Variants in MALRD1 observed in about 807,000 individuals in gnomAD.
MALRD1 encodes MAM and LDL-receptor class A domain-containing protein 1.
In MALRD1, 247 loss-of-function variants were observed where a neutral mutation model predicts 242.1. That is an observed-to-expected ratio of 1.02 (90% CI 0.92 to 1.13). The LOEUF (loss-of-function observed/expected upper bound fraction) is 1.13. Ranked by LOEUF, MALRD1 falls within the 50% of genes most tolerant of loss-of-function variation. MALRD1 has a pLI of 0.00. For synonymous variants in MALRD1, 995 were observed against 866.6 expected (o/e 1.15, Z -2.60); for missense variants, 2,989 against 2,533.1 (o/e 1.18, Z -3.86).
At chr10:19,572,336 A>T (rs1836596977) in intron 33 of MALRD1, among the ~76,000 whole-genome samples, 1 of 152,228 alleles carries the variant, frequency 6.6e-6, no homozygotes, top group Non-Finnish European at 1.5e-5. Context: ...ATTTGAAACA[A>T]GGAGGATCTC....
chr10:19,476,900 C>A (rs558564841), intron 29 of MALRD1, among the ~76,000 whole-genome samples: 27 of 149,554 alleles, frequency 1.8e-4, no homozygotes, highest in African/African-American at 6.7e-4. Flanking sequence ...CCAAACTCTC[C>A]ATCTCATTAA....
chr10:19,620,596 G>A (rs1003384949), intron 36 of MALRD1, among the ~76,000 whole-genome samples: 5 of 151,588 alleles, frequency 3.3e-5, no homozygotes, highest in Admixed American at 2.6e-4. Flanking sequence ...AAAATTAAAG[G>A]GACTATGAAA....
chr10:19,331,313 C>T, intron 23 of MALRD1, 56 bp from the exon 24 acceptor site: 1 of 1,357,676 alleles, frequency 7.4e-7, no homozygotes. Context: ...TTAGTGTTTG[C>T]CCAGGTTTTG....
At chr10:19,324,215 A>G in intron 22 of MALRD1, 110 bp downstream of exon 22, 1 of 1,058,790 alleles carries the variant, frequency 9.4e-7, no homozygotes, top group Non-Finnish European at 1.4e-6. Flanking sequence ...GACAATTACC[A>G]ACACTTCACT....
chr10:19,248,673 CTT>C (rs1009047098), intron 18 of MALRD1, among the ~76,000 whole-genome samples: 20 of 151,674 alleles, frequency 1.3e-4, no homozygotes, highest in Non-Finnish European at 2.7e-4. Context: ...GAATTAGACT[CTT>C]TGACTGTTTG....
intron 36 of MALRD1, among the ~76,000 whole-genome samples, chr10:19,686,399 C>T (rs1028593394): frequency 7.2e-5 from 11 of 152,134 alleles, no homozygotes; most frequent in South Asian, 2.1e-4. Flanking sequence ...TGCGCATGCT[C>T]ACTCGAGGCG....
chr10:19,199,815 A>C (rs1055114316), intron 14 of MALRD1, among the ~76,000 whole-genome samples: 9 of 151,194 alleles, frequency 6.0e-5, no homozygotes, highest in Non-Finnish European at 1.0e-4. Flanking sequence ...TAAATAAATA[A>C]ATAAAATAAA....
At chr10:19,556,380 A>AT (rs1002054316) in intron 32 of MALRD1, among the ~76,000 whole-genome samples, 2 of 152,136 alleles carry the variant, frequency 1.3e-5, no homozygotes, top group African/African-American at 4.8e-5. Flanking sequence ...TATCCATAGT[A>AT]TCATGCAGAG....
intron 27 of MALRD1, chr10:19,389,222 C>G (rs527729794): frequency 2.3e-4 from 146 of 637,666 alleles, no homozygotes; most frequent in African/African-American, 2.2e-3. Flanking sequence ...CCCATCAGAT[C>G]AGTTAATCTG....
intron 11 of MALRD1, among the ~76,000 whole-genome samples, chr10:19,148,289 C>T (rs1342348402): frequency 6.6e-6 from 1 of 151,812 alleles, no homozygotes; most frequent in Non-Finnish European, 1.5e-5. Context: ...GGGAAGAGCA[C>T]GGGCTGCCCA....
intron 33 of MALRD1, among the ~76,000 whole-genome samples, chr10:19,570,026 T>C (rs1003862679): frequency 6.6e-6 from 1 of 151,898 alleles, no homozygotes; most frequent in African/African-American, 2.4e-5. Flanking sequence ...CAACCTAACA[T>C]TCACTAAAGT....
At chr10:19,664,867 T>C (rs1353072829) in intron 36 of MALRD1, among the ~76,000 whole-genome samples, 2 of 152,138 alleles carry the variant, frequency 1.3e-5, no homozygotes, top group Non-Finnish European at 2.9e-5. Context: ...ATGACCATTT[T>C]TTTGCATTTC....
intron 36 of MALRD1, among the ~76,000 whole-genome samples, chr10:19,662,130 T>C (rs934514899): frequency 5.3e-5 from 8 of 152,094 alleles, no homozygotes; most frequent in African/African-American, 1.9e-4. Context: ...TTCTAAGTCC[T>C]AGGAAGAAAA....
intron 5 of MALRD1, among the ~76,000 whole-genome samples, chr10:19,122,311 TTGAAA>T (rs1435577779): frequency 1.3e-5 from 2 of 152,134 alleles, no homozygotes; most frequent in African/African-American, 2.4e-5. Flanking sequence ...AGTGGACCAC[TTGAAA>T]TGAAGACAAG....
At chr10:19,366,008 A>T (rs922957827) in intron 26 of MALRD1, among the ~76,000 whole-genome samples, 13 of 151,926 alleles carry the variant, frequency 8.6e-5, no homozygotes, top group Non-Finnish European at 1.8e-4. Context: ...GCGATCCACA[A>T]CCTTTTTGGC....
chr10:19,190,658 ATTTTTT>A (rs35922631), intron 14 of MALRD1, among the ~76,000 whole-genome samples: 1 of 145,110 alleles, frequency 6.9e-6, no homozygotes, highest in Non-Finnish European at 1.5e-5. Flanking sequence ...TGAACAAGTG[ATTTTTT>A]TTTTTTTTTT....
rs150497176 is a variant in MALRD1 at position 19,146,225 on chromosome 10, C to G, written c.1439C>G (p.Ser480Trp). ...AAGCATCTCACCTGTGACTTTGAGT[C>G]GGGTTTCTGCGGTTGGGAGCCATTT... ...CSKHLTCDFE[S>W]GFCGWEPFLT... The change falls in exon 11 of 40, where the codon TCG becomes TGG. Residue 480 changes from serine (S) to tryptophan (W), a missense_variant. Ser to Trp is a radical substitution (Grantham distance 177). Transcript: ENST00000454679. 0.01 allele frequency: 12,639 copies of G among 1,231,544 alleles called. 83 individuals carry two copies. Among genetic ancestry groups the G allele is most frequent in the Non-Finnish European group, 0.012 (11,837 of 987,878 alleles). The allele number at this position is 1,231,544 out of a possible 1,614,324, so 76.3% of individuals were successfully genotyped here. A position where few individuals can be genotyped will look rare whatever the true frequency, so the allele number is the denominator to read the frequency against.
At chr10:19,105,813 T>TTGG (rs2131340437) in intron 5 of MALRD1, among the ~76,000 whole-genome samples, 1 of 152,104 alleles carries the variant, frequency 6.6e-6, no homozygotes, top group South Asian at 2.1e-4. Context: ...ATTCTATTTA[T>TTGG]TGGTCATTTT....
chr10:19,403,334 T>C (rs1846951085), intron 28 of MALRD1, among the ~76,000 whole-genome samples: 1 of 152,190 alleles, frequency 6.6e-6, no homozygotes, highest in African/African-American at 2.4e-5. Flanking sequence ...AATTAGACCA[T>C]ATGTATTAGG....
Sources: allele counts gnomAD v4.1 joint callset (sites outside exome capture counted in the v4.1 genomes callset), GRCh38; gene constraint gnomAD v4.1.1; transcripts MANE v1.5; gene names NCBI Gene and HGNC (gene_info 2026-07-23, HGNC 2026-07-21).